Variants in TTN observed in about 807,000 individuals in gnomAD.
The protein encoded by TTN is titin.
In TTN, 1,525 loss-of-function variants were observed where a neutral mutation model predicts 3,223.0. The observed-to-expected ratio is 0.47, with a 90% CI of 0.45 to 0.49. The LOEUF (loss-of-function observed/expected upper bound fraction) is 0.49. Ranked by LOEUF, TTN falls within the 20% of genes least tolerant of loss-of-function variation. TTN has a pLI of 0.00. For missense variants in TTN, 40,786 were observed against 43,424.0 expected, an observed-to-expected ratio of 0.94 and a Z score of 5.40; for synonymous variants, 14,094 against 15,161.0, an observed-to-expected ratio of 0.93 and a Z score of 5.17.
chr2:178,692,384 A>G (rs2072680352), intron 120 of TTN, 113 bp downstream of exon 120: 1 of 1,034,442 alleles, frequency 9.7e-7, no homozygotes, highest in Non-Finnish European at 1.5e-6. Context: ...ATATACACAG[A>G]ATTAAATATA....
Position 178,614,630 on chromosome 2 carries a change from G to A in TTN, c.48884C>T (p.Ala16295Val). The A allele has an allele frequency of 6.2e-7, 1 of 1,612,454 alleles. No homozygotes were observed. Among genetic ancestry groups the A allele is most frequent in the Non-Finnish European group, 8.5e-7 (1 of 1,179,152 alleles). Residue 16295 changes from alanine (A) to valine (V), a missense_variant, in exon 261 of 363, where the codon GCT (alanine) becomes GTT (valine). Physicochemically the swap from Ala to Val is moderately conservative, Grantham distance 64. Coordinates refer to ENST00000589042, the MANE Select transcript of TTN (RefSeq NM_001267550.2). ...KPEPKITWTK[A>V]DMILKQDKRI... is the part of the protein sequence containing the mutation. ...TTTGTCCTGCTTCAGAATCATATCA[G>A]CCTTTGTCCAAGTTATTTTAGGTTC...
At chr2:178,779,822 A>G (rs908237051) in intron 22 of TTN, 178 bp downstream of exon 22, 1 of 634,830 alleles carries the variant, frequency 1.6e-6, no homozygotes, top group Non-Finnish European at 2.7e-6. Flanking sequence ...TGTAATCTCT[A>G]TTTCTAAACT....
Position 178,779,995 on chromosome 2 carries a change from C to G in TTN, c.3729+5G>C. 1 of 1,611,130 alleles carries G rather than the reference C, an allele frequency of 6.2e-7. No homozygotes were observed. The highest frequency in any genetic ancestry group is 8.5e-7 in the Non-Finnish European group (1 of 1,179,010). On this transcript the variant is annotated splice_donor_5th_base_variant and intron_variant, in intron 22 of 362. Transcript: ENST00000589042. ...TGTTTGGTTGGTCATTACTTTTATA[C>G]TCACCTGATCTTCTACATAAGTTCT... is the stretch of plus-strand genomic sequence containing the variant.
chr2:178,540,868 T>G (rs900449680), intron 350 of TTN, among the ~76,000 whole-genome samples: 10 of 152,156 alleles, frequency 6.6e-5, no homozygotes, highest in African/African-American at 1.9e-4. Context: ...ATACTTAACA[T>G]TTTTTCACTT....
chr2:178,716,723 G>T (rs1369520981), intron 88 of TTN, among the ~76,000 whole-genome samples: 1 of 151,936 alleles, frequency 6.6e-6, no homozygotes, highest in Non-Finnish European at 1.5e-5. Flanking sequence ...TGCCTTAGAG[G>T]GACAAAATCC....
intron 33 of TTN, among the ~76,000 whole-genome samples, chr2:178,772,252 G>A (rs1173555657): frequency 6.6e-6 from 1 of 151,974 alleles, no homozygotes; most frequent in Non-Finnish European, 1.5e-5. Context: ...GTCTTTTCAT[G>A]GTCCGATCTC....
intron 106 of TTN, among the ~76,000 whole-genome samples, chr2:178,703,457 TATGTAA>T (rs1402209188): frequency 2.0e-5 from 3 of 152,208 alleles, no homozygotes; most frequent in Admixed American, 6.5e-5. Flanking sequence ...TTGACATGCT[TATGTAA>T]ATCCAATGTC....
At position 178,592,128 on chromosome 2, in the gene TTN, G is replaced by T. The variant is rs1433509946; in HGVS notation, c.59776C>A (p.Pro19926Thr). Residue 19926 changes from proline (P) to threonine (T), a missense_variant, in exon 302 of 363, where the codon CCT becomes ACT. Coordinates refer to ENST00000589042, the MANE Select transcript of TTN (RefSeq NM_001267550.2). The stretch of plus-strand genomic sequence containing the variant: ...TTTTTCTTTGATGTAGCTGAGAGAG[G>T]TGACCACTGGGCGCTGGCAACATCT... ...RRDVASAQWS[P>T]LSATSKKKSH... 1.2e-6 allele frequency: 2 copies of T among 1,612,896 alleles called. No individual in the cohort carries two copies. Among genetic ancestry groups the T allele is most frequent in the East Asian group, 2.2e-5 (1 of 44,614 alleles).
At position 178,710,274 on chromosome 2, in the gene TTN, C is replaced by T. The variant is rs181913825; in HGVS notation, c.28462+361G>A. Among the ~76,000 whole-genome samples the T allele has an allele frequency of 2.1e-3, 319 of 152,166 alleles. 1 individual carries two copies. Among genetic ancestry groups the T allele is most frequent in the African/African-American group, 7.5e-3 (312 of 41,532 alleles). ...CAACCTGGCCAACATGGTGAAACCCCGTTTCTACCAAAAAATACAAAAATT... is the reference window on the plus strand; with the variant it reads ...CAACCTGGCCAACATGGTGAAACCCTGTTTCTACCAAAAAATACAAAAATT... On this transcript the variant is annotated intron_variant, in intron 98 of 362. Transcript: ENST00000589042.
intron 71 of TTN, 130 bp from the exon 72 acceptor site, chr2:178,724,668 T>A: frequency 1.1e-6 from 1 of 873,536 alleles, no homozygotes; most frequent in Non-Finnish European, 1.6e-6. Flanking sequence ...GACTTTAAAG[T>A]GTGATTCCAT....
At chr2:178,642,474 T>G (rs1363817993) in intron 218 of TTN, among the ~76,000 whole-genome samples, 157 bp from the exon 219 acceptor site, 1 of 152,000 alleles carries the variant, frequency 6.6e-6, no homozygotes, top group Non-Finnish European at 1.5e-5. Context: ...AATGATACAT[T>G]TCAAGTTATC....
chr2:178,548,928 T>C lies in TTN; in HGVS notation c.92698A>G (p.Asn30900Asp), dbSNP rs1452525804. ...CAGCTGTCGCCTTTTCCAGCACCATTGATAGCACTAACTCGGAATTTGTAT... is the reference window on the plus strand; with the variant it reads ...CAGCTGTCGCCTTTTCCAGCACCATCGATAGCACTAACTCGGAATTTGTAT... Reference protein sequence around the residue: ...EEYKFRVSAINGAGKGDSCEV... With the variant: ...EEYKFRVSAIDGAGKGDSCEV... Residue 30900 changes from asparagine to aspartate, a missense_variant, in exon 339 of 363, where the codon AAT (asparagine) becomes GAT (aspartate). By Grantham distance (23) the Asn-to-Asp change is conservative. Coordinates refer to ENST00000589042, the MANE Select transcript of TTN (RefSeq NM_001267550.2). The surrounding 1 kb of genome is among the most constrained non-coding windows in gnomAD (Gnocchi z 4.3). 1.2e-6 allele frequency: 2 copies of C among 1,613,908 alleles called. No homozygotes were observed. The highest frequency in any genetic ancestry group is 8.5e-7 in the Non-Finnish European group (1 of 1,179,836).
Position 178,614,710 on chromosome 2 carries a change from G to A in TTN, c.48804C>T (p.Leu16268=), listed in dbSNP as rs2056979852. ...IFLDVKLLAG[L]TVKAGTKIEL... ...CAATCTTGGTCCCAGCTTTTACAGTGAGACCAGCAAGGAGCTTCACATCGA... is the reference window on the plus strand; with the variant it reads ...CAATCTTGGTCCCAGCTTTTACAGTAAGACCAGCAAGGAGCTTCACATCGA... Residue 16268 remains leucine (L), a synonymous_variant, in exon 261 of 363, where the codon CTC becomes CTT. Coordinates refer to ENST00000589042, the MANE Select transcript of TTN (RefSeq NM_001267550.2). The A allele has an allele frequency of 6.2e-7, 1 of 1,611,750 alleles. No individual in the cohort carries two copies. The highest frequency in any genetic ancestry group is 8.5e-7 in the Non-Finnish European group (1 of 1,178,904).
chr2:178,604,943 C>T (rs766829503), intron 280 of TTN, 44 bp downstream of exon 280: 5 of 1,596,142 alleles, frequency 3.1e-6, no homozygotes, highest in Non-Finnish European at 4.3e-6. Flanking sequence ...AATTCTTAAA[C>T]AGACACTGGA....
chr2:178,612,840 A>C lies in TTN; in HGVS notation c.49881T>G (p.Ala16627=). 6.2e-7 allele frequency: 1 copy of C among 1,612,532 alleles called. No individual in the cohort carries two copies. The highest frequency in any genetic ancestry group is 8.5e-7 in the Non-Finnish European group (1 of 1,179,226). ...GTTCACTTTCCCCAGCCTTATTCAC[A>C]GCTCTAACTCGGAATGAGTATTCCT... ...EGQEYSFRVR[A]VNKAGESEPS... is the part of the protein sequence containing the mutation. The change falls in exon 265 of 363, where the codon GCT becomes GCG. Residue 16627 remains alanine (A), a synonymous_variant. Transcript: ENST00000589042.
Position 178,731,978 on chromosome 2 carries a change from T to C in TTN, c.16904-7A>G, listed in dbSNP as rs771959152. 2 of 1,599,000 alleles carry C rather than the reference T, an allele frequency of 1.3e-6. No individual in the cohort carries two copies. Among genetic ancestry groups the C allele is most frequent in the South Asian group, 2.2e-5 (2 of 89,326 alleles). On this transcript the variant is annotated splice_region_variant and splice_polypyrimidine_tract_variant and intron_variant, in intron 57 of 362. Coordinates refer to ENST00000589042, the MANE Select transcript of TTN (RefSeq NM_001267550.2). ...TTGGTAAAATAAGGTGACTCTACAG[T>C]AAAAAAGGAATGATTTGCATTAAGG...
rs371592971 is a variant in TTN at position 178,564,113 on chromosome 2, A to T, written c.82019T>A (p.Ile27340Lys). 14 of 1,613,650 alleles carry T rather than the reference A, an allele frequency of 8.7e-6. No homozygotes were observed. The Admixed American group carries it at 1.2e-4, about 13-fold the overall frequency. The change falls in exon 326 of 363, where the codon ATA (isoleucine) becomes AAA (lysine). Residue 27340 changes from isoleucine to lysine, a missense_variant. By Grantham distance (102) the Ile-to-Lys change is moderately radical. Transcript: ENST00000589042. The stretch of plus-strand genomic sequence containing the variant: ...AATATATTGTCCTCCATCAGTCCGT[A>T]TACAGTCTTTGACAACAAGAGTTGT... Reference protein sequence around the residue: ...QKTTLVVKDCIRTDGGQYILK... With the variant: ...QKTTLVVKDCKRTDGGQYILK...
In TTN at chr2:178,528,733, C is replaced by A; in HGVS notation, c.107018G>T (p.Gly35673Val). Residue 35673 changes from glycine (G) to valine (V), a missense_variant, in exon 360 of 363, where the codon GGA becomes GTA. Transcript: ENST00000589042. Reference sequence around the variant, plus strand: ...GGTTTTGCTTATGCAGGTGAGGATTCCTTCATCTCTGTGACTGGCTTGCTT... The same window carrying A: ...GGTTTTGCTTATGCAGGTGAGGATTACTTCATCTCTGTGACTGGCTTGCTT... ...TIKQASHRDE[G>V]ILTCISKTKE... 6.2e-7 allele frequency: 1 copy of A among 1,613,260 alleles called. No homozygotes were observed. Among genetic ancestry groups the A allele is most frequent in the Non-Finnish European group, 8.5e-7 (1 of 1,179,460 alleles).
intron 349 of TTN, chr2:178,541,954 C>T (rs1430472316): frequency 3.6e-6 from 1 of 281,198 alleles, no homozygotes; most frequent in Admixed American, 4.7e-5. Flanking sequence ...TGCCAGTCCT[C>T]CTTCCTTTCC....
Sources: allele counts gnomAD v4.1 joint callset (sites outside exome capture counted in the v4.1 genomes callset), GRCh38; gene constraint gnomAD v4.1.1; non-coding constraint Gnocchi (gnomAD v3.1); transcripts MANE v1.5; gene names NCBI Gene and HGNC (gene_info 2026-07-23, HGNC 2026-07-21).